SLMAP: variants seen among roughly 807,000 people sequenced by gnomAD.
The protein encoded by SLMAP is sarcolemmal membrane-associated protein.
In SLMAP, 44 loss-of-function variants were observed where a neutral mutation model predicts 128.8. That is an observed-to-expected ratio of 0.34 (90% confidence interval 0.27 to 0.44). SLMAP has a LOEUF of 0.44. SLMAP is among the 20% of genes least tolerant of loss of function. SLMAP has a pLI of 1.00. For missense variants in SLMAP, 787 were observed against 985.3 expected, an observed-to-expected ratio of 0.80 and a Z score of 2.69; for synonymous variants, 327 against 348.8, an observed-to-expected ratio of 0.94 and a Z score of 0.70.
At chr3:57,836,519 A>T (rs1454661654) in intron 3 of SLMAP, among the ~76,000 whole-genome samples, 5 of 152,098 alleles carry the variant, frequency 3.3e-5, no homozygotes, top group Non-Finnish European at 1.5e-5. Context: ...TTTTTAATTT[A>T]TAGAGATGGG....
intron 9 of SLMAP, among the ~76,000 whole-genome samples, chr3:57,861,571 A>AT (rs1345301747): frequency 6.6e-6 from 1 of 152,208 alleles, no homozygotes; most frequent in East Asian, 1.9e-4. Flanking sequence ...GTGTCTTTTA[A>AT]TTTTTTATTA....
At chr3:57,919,991 G>A (rs1001632502) in intron 22 of SLMAP, among the ~76,000 whole-genome samples, 4 of 152,122 alleles carry the variant, frequency 2.6e-5, no homozygotes, top group African/African-American at 9.6e-5. Flanking sequence ...TCCTGCAATG[G>A]AGAAATAAGT....
chr3:57,773,726 A>G (rs1373937622), intron 2 of SLMAP, among the ~76,000 whole-genome samples: 2 of 152,236 alleles, frequency 1.3e-5, no homozygotes, highest in African/African-American at 2.4e-5. Flanking sequence ...AATGATAAAG[A>G]TTGGTTTCAT....
At chr3:57,770,120 A>C (rs1027407903) in intron 2 of SLMAP, among the ~76,000 whole-genome samples, 11 of 152,364 alleles carry the variant, frequency 7.2e-5, no homozygotes, top group East Asian at 5.8e-4. Context: ...AACTGGGGCC[A>C]TTATGCATTC....
In SLMAP at chr3:57,821,373, A is replaced by G. The variant is rs571259673; in HGVS notation, c.199-10010A>G. On this transcript the variant is annotated intron_variant, in intron 2 of 24. Transcript: ENST00000671191. ...AAGACGTTCGGGTAATATATTGGCA[A>G]GTTTCATTCTAGTTTACATGTGAGA... Among the ~76,000 whole-genome samples the G allele has an allele frequency of 7.2e-5, 11 of 152,266 alleles. 1 individual carries two copies. The South Asian group carries it at 2.3e-3, about 32-fold the overall frequency.
chr3:57,891,034 G>A (rs1290384105), intron 15 of SLMAP: 3 of 151,822 alleles, frequency 2.0e-5, no homozygotes, highest in African/African-American at 7.3e-5. Flanking sequence ...TATTGTTTTG[G>A]CAAACAGGCA....
At chr3:57,857,085 ATT>A (rs1423809325) in intron 6 of SLMAP, among the ~76,000 whole-genome samples, 1 of 152,150 alleles carries the variant, frequency 6.6e-6, no homozygotes, top group East Asian at 1.9e-4. Context: ...AACCTGAAAC[ATT>A]TGTTAGCTTT....
chr3:57,760,164 G>T (rs755671684), intron 2 of SLMAP, among the ~76,000 whole-genome samples: 5 of 151,936 alleles, frequency 3.3e-5, no homozygotes, highest in Non-Finnish European at 7.4e-5. Context: ...GGTCTTGAAC[G>T]CCTGACCTCA....
chr3:57,787,906 T>A (rs1330817074), intron 2 of SLMAP, among the ~76,000 whole-genome samples: 1 of 152,238 alleles, frequency 6.6e-6, no homozygotes, highest in African/African-American at 2.4e-5. Flanking sequence ...ATACCAATAC[T>A]AGGAAATAAT....
intron 4 of SLMAP, among the ~76,000 whole-genome samples, chr3:57,843,335 A>C (rs1204147482): frequency 3.7e-5 from 1 of 27,140 alleles, no homozygotes; most frequent in Non-Finnish European, 6.5e-5. Context: ...TTTTTCTTTG[A>C]CAGCCTGGTT....
intron 3 of SLMAP, among the ~76,000 whole-genome samples, chr3:57,839,546 T>A (rs1173187582): frequency 1.3e-5 from 2 of 150,332 alleles, no homozygotes; most frequent in Non-Finnish European, 3.0e-5. Context: ...GTTCAAGCAG[T>A]TCTGCTGGCC....
intron 2 of SLMAP, among the ~76,000 whole-genome samples, chr3:57,779,525 A>C (rs990815146): frequency 6.7e-6 from 1 of 149,218 alleles, no homozygotes; most frequent in African/African-American, 2.4e-5. Context: ...AAAAAAAAAA[A>C]CAAAAATAAA....
At chr3:57,912,976 C>CTGAT (rs1487692896) in intron 20 of SLMAP, among the ~76,000 whole-genome samples, 182 bp from the exon 21 acceptor site, 1 of 152,128 alleles carries the variant, frequency 6.6e-6, no homozygotes, top group African/African-American at 2.4e-5. Flanking sequence ...CAAGTACAAG[C>CTGAT]TGATAGCAGT....
rs1287065831 is a variant in SLMAP at position 57,771,622 on chromosome 3, C to G, written c.198+13773C>G. The stretch of plus-strand genomic sequence containing the variant: ...GCTAATTGTAACCTTGAACTTTGGG[C>G]TCAAATGATCCCCCCACCTTGGCCT... On this transcript the variant is annotated intron_variant, in intron 2 of 24. Transcript: ENST00000671191. 2.6e-5 allele frequency among the ~76,000 whole-genome samples: 4 copies of G among 152,124 alleles called. No homozygotes were observed. In the East Asian group the frequency reaches 7.7e-4, roughly 29 times the overall value.
At chr3:57,896,229 C>A in intron 15 of SLMAP, 1 of 1,109,556 alleles carries the variant, frequency 9.0e-7, no homozygotes, top group Non-Finnish European at 1.1e-6. Flanking sequence ...GCAAAGCTTG[C>A]TTCGTTTTTG....
chr3:57,907,867 A>C lies in SLMAP; in HGVS notation c.1502-17A>C, dbSNP rs1255742870. ...TGATACTAACTCTTGCTTTTAAAAT[A>C]AACATGTTTTTGTCAGATGACTTGC... On this transcript the variant is annotated splice_polypyrimidine_tract_variant and intron_variant, in intron 17 of 24. Coordinates refer to ENST00000671191, the MANE Select transcript of SLMAP (RefSeq NM_001377540.1). The C allele has an allele frequency of 6.2e-7, 1 of 1,610,858 alleles. No individual in the cohort carries two copies. Among genetic ancestry groups the C allele is most frequent in the East Asian group, 2.2e-5 (1 of 44,762 alleles).
At chr3:57,886,070 A>G (rs973779905) in intron 14 of SLMAP, among the ~76,000 whole-genome samples, 23 of 139,156 alleles carry the variant, frequency 1.7e-4, no homozygotes, top group African/African-American at 5.1e-4. Context: ...GCATGAGCCA[A>G]TGCGCCCAAG....
chr3:57,822,697 A>C (rs1253221354), intron 2 of SLMAP, among the ~76,000 whole-genome samples: 1 of 152,164 alleles, frequency 6.6e-6, no homozygotes, highest in Non-Finnish European at 1.5e-5. Flanking sequence ...GACCTTTAAA[A>C]ATTGGGATTG....
At chr3:57,909,327 C>CCCT (rs2096638248) in intron 19 of SLMAP, among the ~76,000 whole-genome samples, 177 bp downstream of exon 19, 1 of 151,812 alleles carries the variant, frequency 6.6e-6, no homozygotes, top group Admixed American at 6.6e-5. Flanking sequence ...CATGGTGAAC[C>CCCT]CCTGTCTCCA....
Sources: allele counts gnomAD v4.1 joint callset (sites outside exome capture counted in the v4.1 genomes callset), GRCh38; gene constraint gnomAD v4.1.1; transcripts MANE v1.5; gene names NCBI Gene and HGNC (gene_info 2026-07-23, HGNC 2026-07-21).